EIF4H: variants seen among roughly 807,000 people sequenced by gnomAD.
The protein encoded by EIF4H is eukaryotic translation initiation factor 4H.
A neutral mutation model predicts 30.6 loss-of-function variants in EIF4H; 8 were observed. The ratio of observed to expected loss-of-function variants is 0.26; its 90% CI spans 0.15 to 0.47. The LOEUF is 0.47. Among genes scored for constraint, EIF4H ranks in the 20% least tolerant of loss-of-function variants. EIF4H has a pLI of 0.99. For synonymous variants in EIF4H, 106 were observed against 122.7 expected (o/e 0.86, Z 0.90); for missense variants, 188 against 339.5 (o/e 0.55, Z 3.51).
Position 74,195,313 on chromosome 7 carries a change from G to T in EIF4H, c.*5G>T, listed in dbSNP as rs1801318029. 1 of 1,613,014 alleles carries T rather than the reference G, an allele frequency of 6.2e-7. No homozygotes were observed. The highest frequency in any genetic ancestry group is 8.5e-7 in the Non-Finnish European group (1 of 1,179,554). On this transcript the variant is annotated 3_prime_UTR_variant, in exon 7 of 7. Transcript: ENST00000265753. ...GTTCAAAAGGAGCAAGAATGAGCCT[G>T]CGGTTGGGAGGGAATGGGGCGTGGG...
intron 5 of EIF4H, among the ~76,000 whole-genome samples, chr7:74,192,866 C>G (rs532517445): frequency 3.3e-5 from 5 of 151,544 alleles, no homozygotes; most frequent in African/African-American, 4.8e-5. Flanking sequence ...TTAGTAGAGA[C>G]GGGGTCTCTC....
intron 1 of EIF4H, among the ~76,000 whole-genome samples, chr7:74,176,293 A>G (rs1029987667): frequency 2.0e-5 from 3 of 149,950 alleles, no homozygotes; most frequent in Non-Finnish European, 3.0e-5. Flanking sequence ...GCTGGAGTGC[A>G]ATGGTGTGAT....
intron 5 of EIF4H, among the ~76,000 whole-genome samples, chr7:74,192,014 C>T (rs555519866): frequency 4.5e-4 from 69 of 152,124 alleles, no homozygotes; most frequent in Non-Finnish European, 7.2e-4. Context: ...CTCCTGACCT[C>T]GTGATCCACC....
chr7:74,184,495 C>T (rs1220298587), intron 1 of EIF4H, among the ~76,000 whole-genome samples: 1 of 151,954 alleles, frequency 6.6e-6, no homozygotes, highest in Admixed American at 6.6e-5. Context: ...GTGTTTTATA[C>T]GTCCCACACA....
In EIF4H at chr7:74,196,344, G is replaced by A. The variant is rs1195163454; in HGVS notation, c.*1036G>A. 27 of 152,642 alleles carry A rather than the reference G, an allele frequency of 1.8e-4. No homozygotes were observed. The highest frequency in any genetic ancestry group is 1.1e-3 in the Admixed American group (17 of 15,258). 9.5% of individuals were successfully genotyped at this position (152,642 alleles called of 1,614,324 possible). On this transcript the variant is annotated 3_prime_UTR_variant, in exon 7 of 7. Coordinates refer to ENST00000265753, the MANE Select transcript of EIF4H (RefSeq NM_022170.2). ...CTCCCCTTCAGTTCAGAGCCAAAAT[G>A]GGTCTAGAATCTGGCACTTTACTCA...
At chr7:74,185,179 G>A (rs1211844424) in intron 1 of EIF4H, among the ~76,000 whole-genome samples, 1 of 151,958 alleles carries the variant, frequency 6.6e-6, no homozygotes, top group Non-Finnish European at 1.5e-5. Context: ...TTTTTATAGA[G>A]ATGGGGTCTT....
chr7:74,187,533 G>C, intron 1 of EIF4H, 78 bp from the exon 2 acceptor site: 3 of 1,383,626 alleles, frequency 2.2e-6, no homozygotes, highest in Non-Finnish European at 1.9e-6. Context: ...TGGCGGCGTA[G>C]CTCAGCGGAA....
At chr7:74,186,242 G>C (rs1466512775) in intron 1 of EIF4H, among the ~76,000 whole-genome samples, 3 of 104,540 alleles carry the variant, frequency 2.9e-5, no homozygotes, top group African/African-American at 1.1e-4. Context: ...TTTTTTTTTT[G>C]AGATGGACTC....
chr7:74,192,907 G>A (rs1195727853), intron 5 of EIF4H, among the ~76,000 whole-genome samples: 1 of 151,976 alleles, frequency 6.6e-6, no homozygotes, highest in African/African-American at 2.4e-5. Context: ...CGAACTCCCA[G>A]CCTCAGGTGA....
chr7:74,183,709 A>C (rs1801015409), intron 1 of EIF4H: 1 of 152,144 alleles, frequency 6.6e-6, no homozygotes, highest in Non-Finnish European at 1.5e-5. Flanking sequence ...TGATTTTGTA[A>C]ATGAATCGGT....
chr7:74,186,818 T>A (rs1052479224), intron 1 of EIF4H, among the ~76,000 whole-genome samples: 1,781 of 89,226 alleles, frequency 0.02, 213 homozygotes, highest in African/African-American at 0.069. Flanking sequence ...TTTTTTTTTT[T>A]TTTTTTTTTT....
intron 1 of EIF4H, among the ~76,000 whole-genome samples, chr7:74,186,117 A>T (rs1554709119): frequency 6.6e-6 from 1 of 152,152 alleles, no homozygotes; most frequent in Non-Finnish European, 1.5e-5. Context: ...CTTGAAAACA[A>T]ATGTTGGCCA....
intron 2 of EIF4H, 114 bp from the exon 3 acceptor site, chr7:74,189,556 CCAT>C (rs1363305087): frequency 8.8e-7 from 1 of 1,134,216 alleles, no homozygotes; most frequent in African/African-American, 1.6e-5. Context: ...TCCTAGTCTG[CCAT>C]CATCTAGACA....
intron 1 of EIF4H, 65 bp downstream of exon 1, chr7:74,174,507 T>G (rs2115918636): frequency 8.1e-7 from 1 of 1,239,162 alleles, no homozygotes; most frequent in Non-Finnish European, 1.0e-6. Context: ...GCCGTCAGGG[T>G]GGCGGCCGTC....
chr7:74,175,878 C>A (rs1261141954), intron 1 of EIF4H, among the ~76,000 whole-genome samples: 1 of 152,110 alleles, frequency 6.6e-6, no homozygotes, highest in Admixed American at 6.6e-5. Context: ...AAATTTCCTT[C>A]AGACACATTT....
intron 2 of EIF4H, among the ~76,000 whole-genome samples, chr7:74,188,365 C>T (rs1554709449): frequency 1.3e-5 from 2 of 152,204 alleles, no homozygotes; most frequent in Non-Finnish European, 2.9e-5. Context: ...GAGCAGCATT[C>T]TCCTGCCTGC....
intron 5 of EIF4H, 49 bp downstream of exon 5, chr7:74,190,355 T>C (rs1554709753): frequency 6.3e-7 from 1 of 1,575,880 alleles, no homozygotes; most frequent in Non-Finnish European, 8.7e-7. Context: ...GGAGCCTTGC[T>C]GCTGTTCTCT....
intron 1 of EIF4H, among the ~76,000 whole-genome samples, chr7:74,183,043 C>T (rs78348415): frequency 0.014 from 2,198 of 152,244 alleles, 41 homozygotes; most frequent in African/African-American, 0.049. Context: ...GGGCAGAAAC[C>T]GAGTCTTAGG....
At chr7:74,190,904 A>G (rs1801192718) in intron 5 of EIF4H, among the ~76,000 whole-genome samples, 1 of 152,236 alleles carries the variant, frequency 6.6e-6, no homozygotes, top group Non-Finnish European at 1.5e-5. Context: ...TTTAAATTAC[A>G]AAAGTATAAT....
Sources: allele counts gnomAD v4.1 joint callset (sites outside exome capture counted in the v4.1 genomes callset), GRCh38; gene constraint gnomAD v4.1.1; transcripts MANE v1.5; gene names NCBI Gene and HGNC (gene_info 2026-07-23, HGNC 2026-07-21).